CYP19A1: variants seen among roughly 807,000 people sequenced by gnomAD.
CYP19A1 encodes the protein aromatase.
CYP19A1 carries 32 observed loss-of-function variants against 44.4 expected under a neutral mutation model. That is an observed-to-expected ratio of 0.72 (90% confidence interval 0.54 to 0.97). CYP19A1 has a LOEUF of 0.97. Among genes scored for constraint, CYP19A1 ranks in the 50% least tolerant of loss-of-function variants. The pLI is 0.00. For synonymous variants in CYP19A1, 212 were observed against 215.6 expected (o/e 0.98, Z 0.14); for missense variants, 598 against 637.8 (o/e 0.94, Z 0.67).
At chr15:51,251,725 C>T (rs1468554632) in intron 1 of CYP19A1, among the ~76,000 whole-genome samples, 2 of 152,196 alleles carry the variant, frequency 1.3e-5, no homozygotes, top group Admixed American at 6.5e-5. Flanking sequence ...AACTCAGTGG[C>T]CCATAGCTAC....
chr15:51,255,411 G>A (rs1470793126), intron 1 of CYP19A1: 1 of 152,220 alleles, frequency 6.6e-6, no homozygotes, highest in African/African-American at 2.4e-5. Flanking sequence ...ATGGGAAACA[G>A]AGAACGGTCC....
chr15:51,269,225 T>C (rs955908100), intron 1 of CYP19A1, among the ~76,000 whole-genome samples: 4 of 152,170 alleles, frequency 2.6e-5, no homozygotes, highest in Non-Finnish European at 2.9e-5. Flanking sequence ...AATAGGGTTA[T>C]TATTTTTTCT....
Position 51,210,816 on chromosome 15 carries a change from C to G in CYP19A1, c.1504G>C (p.Glu502Gln), listed in dbSNP as rs544939141. The change falls in exon 10 of 10, where the codon GAA (glutamate) becomes CAA (glutamine). Residue 502 changes from glutamate to glutamine, a missense_variant. Coordinates refer to ENST00000396402, the MANE Select transcript of CYP19A1 (RefSeq NM_000103.4). ...GTACTGACCAGCCTTCTCTAGTGTT[C>G]CAGACACCTGTCTGAGTTTCTTGGG... ...FTPRNSDRCL[E>Q]H The G allele has an allele frequency of 4.4e-6, 7 of 1,587,412 alleles. No individual in the cohort carries two copies. The South Asian group carries it at 6.6e-5, about 15-fold the overall frequency.
chr15:51,318,857 A>G (rs1185721003), intron 1 of CYP19A1: 1 of 152,202 alleles, frequency 6.6e-6, no homozygotes, highest in Non-Finnish European at 1.5e-5. Context: ...GTTGAGTTTC[A>G]TTTTGTCGGT....
intron 8 of CYP19A1, among the ~76,000 whole-genome samples, chr15:51,214,203 A>T (rs1039825661): frequency 1.3e-5 from 2 of 152,232 alleles, no homozygotes; most frequent in African/African-American, 4.8e-5. Context: ...TCTGTAAGAA[A>T]TGTGTTCCTA....
At position 51,250,145 on chromosome 15, in the gene CYP19A1, A is replaced by AG. The variant is rs201367869; in HGVS notation, c.-38-7196dup. ...CCTGAAGGCACCAATGGGAGACCTC[A>AG]GCCCCTAGGGTTTTACCCACATAGG... is the stretch of plus-strand genomic sequence containing the variant. On this transcript the variant is annotated intron_variant, in intron 1 of 9. Coordinates refer to ENST00000396402, the MANE Select transcript of CYP19A1 (RefSeq NM_000103.4). 1.4e-3 allele frequency among the ~76,000 whole-genome samples: 220 copies of AG among 152,354 alleles called. 3 individuals carry two copies. The highest frequency in any genetic ancestry group is 0.013 in the East Asian group (65 of 5,194).
At chr15:51,334,973 C>T (rs569986436) in intron 1 of CYP19A1, among the ~76,000 whole-genome samples, 2 of 152,304 alleles carry the variant, frequency 1.3e-5, no homozygotes, top group East Asian at 3.9e-4. Context: ...CAGAGCTTCC[C>T]AGTGGGTTGG....
chr15:51,211,764 G>A (rs1201378959), intron 9 of CYP19A1: 1 of 392,566 alleles, frequency 2.5e-6, no homozygotes, highest in African/African-American at 2.1e-5. Context: ...TTGACATAAT[G>A]AAGGTGGAAT....
At chr15:51,272,272 A>C (rs2035154944) in intron 1 of CYP19A1, among the ~76,000 whole-genome samples, 1 of 152,166 alleles carries the variant, frequency 6.6e-6, no homozygotes, top group South Asian at 2.1e-4. Flanking sequence ...CTTGTGTGCT[A>C]TTAGACTAGC....
chr15:51,218,431 G>T, intron 6 of CYP19A1, 110 bp downstream of exon 6: 1 of 1,474,172 alleles, frequency 6.8e-7, no homozygotes, highest in South Asian at 1.3e-5. Flanking sequence ...TCCCTTGTGG[G>T]CTCTAGAGAG....
intron 1 of CYP19A1, chr15:51,312,132 G>C (rs1329739176): frequency 6.6e-6 from 1 of 152,190 alleles, no homozygotes; most frequent in African/African-American, 2.4e-5. Flanking sequence ...AGCTTTCCCA[G>C]CAGCTTCCGG....
At chr15:51,218,518 T>C in intron 6 of CYP19A1, 23 bp downstream of exon 6, 1 of 1,603,540 alleles carries the variant, frequency 6.2e-7, no homozygotes, top group Non-Finnish European at 8.5e-7. Flanking sequence ...TACTCATAAA[T>C]CTTCCAAAGT....
At chr15:51,266,741 A>T (rs960288949) in intron 1 of CYP19A1, among the ~76,000 whole-genome samples, 1 of 152,232 alleles carries the variant, frequency 6.6e-6, no homozygotes, top group African/African-American at 2.4e-5. Context: ...CTGACAAATC[A>T]CGGAGGTCCC....
intron 1 of CYP19A1, among the ~76,000 whole-genome samples, chr15:51,276,710 C>T (rs2035321428): frequency 6.6e-6 from 1 of 152,160 alleles, no homozygotes; most frequent in Non-Finnish European, 1.5e-5. Context: ...ATCTAAAACA[C>T]CCAACTTTCT....
At chr15:51,295,265 G>T (rs1377705857) in intron 1 of CYP19A1, among the ~76,000 whole-genome samples, 3 of 151,966 alleles carry the variant, frequency 2.0e-5, no homozygotes, top group African/African-American at 7.3e-5. Context: ...GACAATGCCA[G>T]GGTGATTCAG....
chr15:51,215,365 G>C (rs2031468210), intron 7 of CYP19A1, 133 bp from the exon 8 acceptor site: 2 of 1,398,254 alleles, frequency 1.4e-6, no homozygotes, highest in African/African-American at 2.9e-5. Flanking sequence ...GTGATTGACT[G>C]TGGACATTTT....
intron 1 of CYP19A1, among the ~76,000 whole-genome samples, chr15:51,319,745 C>G (rs2036493621): frequency 6.6e-6 from 1 of 152,238 alleles, no homozygotes; most frequent in Non-Finnish European, 1.5e-5. Flanking sequence ...CTATGTAGCC[C>G]TGCACGTGTG....
intron 1 of CYP19A1, among the ~76,000 whole-genome samples, chr15:51,264,021 C>G (rs1212050151): frequency 1.3e-5 from 2 of 152,084 alleles, no homozygotes; most frequent in Admixed American, 1.3e-4. Context: ...ATTTTTAGGA[C>G]ACTGTAGGAA....
intron 1 of CYP19A1, among the ~76,000 whole-genome samples, chr15:51,317,429 T>G (rs2036447644): frequency 6.6e-6 from 1 of 152,176 alleles, no homozygotes; most frequent in Admixed American, 6.5e-5. Context: ...CACTTCTAAC[T>G]TGCTAAATAA....
Sources: allele counts gnomAD v4.1 joint callset (sites outside exome capture counted in the v4.1 genomes callset), GRCh38; gene constraint gnomAD v4.1.1; transcripts MANE v1.5; gene names NCBI Gene and HGNC (gene_info 2026-07-23, HGNC 2026-07-21).